Variants in PRKCA observed in about 807,000 individuals in gnomAD.
PRKCA encodes protein kinase C alpha.
In PRKCA, 27 loss-of-function variants were observed where a neutral mutation model predicts 87.0. The ratio of observed to expected loss-of-function variants is 0.31; its 90% confidence interval spans 0.23 to 0.43. The LOEUF (loss-of-function observed/expected upper bound fraction) is 0.43. Among genes scored for constraint, PRKCA ranks in the 20% least tolerant of loss-of-function variants. The probability of loss-of-function intolerance (pLI) is 1.00; values close to 1 mark genes in which losing one functional copy is unlikely to be tolerated. For synonymous variants in PRKCA, 329 were observed against 311.1 expected (o/e 1.06, Z -0.61); for missense variants, 518 against 852.3 (o/e 0.61, Z 4.88).
chr17:66,576,461 A>C (rs1969240159), intron 3 of PRKCA, among the ~76,000 whole-genome samples: 1 of 152,226 alleles, frequency 6.6e-6, no homozygotes. Context: ...ATTCTGGACC[A>C]GTCTATAATT....
At chr17:66,717,768 A>G (rs1043292694) in intron 8 of PRKCA, among the ~76,000 whole-genome samples, 2 of 152,206 alleles carry the variant, frequency 1.3e-5, no homozygotes, top group African/African-American at 4.8e-5. Flanking sequence ...CTTCATCTGC[A>G]TCCTAGGCAG....
intron 2 of PRKCA, among the ~76,000 whole-genome samples, chr17:66,456,474 G>T (rs972744096): frequency 1.3e-5 from 2 of 152,172 alleles, no homozygotes; most frequent in African/African-American, 2.4e-5. Flanking sequence ...CCCAAACCAA[G>T]GGTTTGGAAT....
chr17:66,707,829 G>A (rs1258746096), intron 8 of PRKCA, among the ~76,000 whole-genome samples: 1 of 152,126 alleles, frequency 6.6e-6, no homozygotes, highest in Admixed American at 6.5e-5. Context: ...CTAGATCAGC[G>A]GGAGTCTGAC....
chr17:66,477,908 T>A (rs938034211), intron 2 of PRKCA, among the ~76,000 whole-genome samples: 8 of 152,224 alleles, frequency 5.3e-5, no homozygotes, highest in Admixed American at 2.0e-4. Context: ...CGGATGTATT[T>A]ATTGGTGGAC....
chr17:66,372,006 T>G (rs1909140956), intron 2 of PRKCA, among the ~76,000 whole-genome samples: 1 of 152,218 alleles, frequency 6.6e-6, no homozygotes, highest in Admixed American at 6.5e-5. Context: ...TGAAAAGATT[T>G]AAAATGTGGA....
intron 2 of PRKCA, chr17:66,340,106 A>C (rs1906947976): frequency 6.6e-6 from 1 of 152,172 alleles, no homozygotes; most frequent in African/African-American, 2.4e-5. Context: ...TGTGTTAAAC[A>C]TGTCTTCATC....
chr17:66,430,218 C>T lies in PRKCA; in HGVS notation c.206-65983C>T, dbSNP rs1220520778. 3.9e-5 allele frequency among the ~76,000 whole-genome samples: 6 copies of T among 152,034 alleles called. No homozygotes were observed. In the East Asian group the frequency reaches 1.2e-3, roughly 30 times the overall value. ...ATGCGGAGAGAGAACAGTCTCCCGC[C>T]TTTCCCCATTTCAAGTCCCTGGAGC... On this transcript the variant is annotated intron_variant, in intron 2 of 16. Coordinates refer to ENST00000413366, the MANE Select transcript of PRKCA (RefSeq NM_002737.3).
chr17:66,503,411 T>C (rs1292367868), intron 3 of PRKCA, among the ~76,000 whole-genome samples: 5 of 152,174 alleles, frequency 3.3e-5, no homozygotes, highest in African/African-American at 1.2e-4. Context: ...CCAGAATGTT[T>C]GGAAGGGGAC....
chr17:66,564,069 T>C (rs903861854), intron 3 of PRKCA, among the ~76,000 whole-genome samples: 3 of 151,500 alleles, frequency 2.0e-5, no homozygotes, highest in Admixed American at 1.3e-4. Context: ...CTTCCTTTCT[T>C]CCTTCTTTCT....
chr17:66,687,674 G>A (rs1457358507), intron 6 of PRKCA, among the ~76,000 whole-genome samples: 1 of 152,192 alleles, frequency 6.6e-6, no homozygotes, highest in African/African-American at 2.4e-5. Context: ...CATAGAAAGT[G>A]TTATTGCCAC....
At chr17:66,329,262 A>G (rs1906182144) in intron 2 of PRKCA, among the ~76,000 whole-genome samples, 1 of 152,184 alleles carries the variant, frequency 6.6e-6, no homozygotes, top group South Asian at 2.1e-4. Flanking sequence ...GCCATTCACT[A>G]TTACGTAGCA....
chr17:66,377,014 G>GATTTATTTATTTATTT (rs142218103), intron 2 of PRKCA, among the ~76,000 whole-genome samples: 8 of 150,830 alleles, frequency 5.3e-5, no homozygotes, highest in African/African-American at 1.9e-4. Context: ...AAAGCCTCCG[G>GATTTATTTATTTATTT]ATTTATTTAT....
At position 66,709,971 on chromosome 17, in the gene PRKCA, A is replaced by G. The variant is rs35724084; in HGVS notation, c.918+20924A>G. 9.9e-3 allele frequency among the ~76,000 whole-genome samples: 1,500 copies of G among 152,264 alleles called. 10 individuals carry two copies. Among genetic ancestry groups the G allele is most frequent in the Non-Finnish European group, 0.014 (985 of 68,022 alleles). ...ATTACTGGGCACCTTGCTATGTGCTACCTCAAACGAGTCGATTCGCCAAAT... is the reference window on the plus strand; with the variant it reads ...ATTACTGGGCACCTTGCTATGTGCTGCCTCAAACGAGTCGATTCGCCAAAT... On this transcript the variant is annotated intron_variant, in intron 8 of 16. Transcript: ENST00000413366.
At chr17:66,410,206 GA>G (rs1252186661) in intron 2 of PRKCA, among the ~76,000 whole-genome samples, 2 of 47,224 alleles carry the variant, frequency 4.2e-5, no homozygotes, top group African/African-American at 1.0e-4. Context: ...TACCAACAGA[GA>G]TTTTTTTTTT....
At chr17:66,522,506 A>G (rs1967195194) in intron 3 of PRKCA, among the ~76,000 whole-genome samples, 2 of 152,080 alleles carry the variant, frequency 1.3e-5, no homozygotes, top group South Asian at 2.1e-4. Context: ...TGGAAATGGA[A>G]GCTCCTGTTT....
intron 2 of PRKCA, among the ~76,000 whole-genome samples, chr17:66,450,004 GAGTGTTTTTTGTT>G (rs1162932956): frequency 6.6e-6 from 1 of 151,874 alleles, no homozygotes; most frequent in Non-Finnish European, 1.5e-5. Flanking sequence ...TGGGGAGTGG[GAGTGTTTTTTGTT>G]TTTGTTTTTT....
intron 5 of PRKCA, among the ~76,000 whole-genome samples, chr17:66,680,812 G>A (rs1365876802): frequency 6.6e-6 from 1 of 152,168 alleles, no homozygotes; most frequent in Non-Finnish European, 1.5e-5. Context: ...GGTGGGAAAG[G>A]GGCACACGCT....
At position 66,738,829 on chromosome 17, in the gene PRKCA, A is replaced by T; in HGVS notation, c.1296A>T (p.Val432=). 1 of 1,613,902 alleles carries T rather than the reference A, an allele frequency of 6.2e-7. No individual in the cohort carries two copies. The highest frequency in any genetic ancestry group is 8.5e-7 in the Non-Finnish European group (1 of 1,179,844). ...GGDLMYHIQQ[V]GKFKEPQAVF... is the part of the protein sequence containing the mutation. The stretch of plus-strand genomic sequence containing the variant: ...ACCTCATGTACCACATTCAGCAAGT[A>T]GGAAAATTTAAGGAACCACAAGCAG... Residue 432 remains valine, a synonymous_variant, in exon 11 of 17, where the codon GTA becomes GTT. Coordinates refer to ENST00000413366, the MANE Select transcript of PRKCA (RefSeq NM_002737.3).
At chr17:66,712,204 G>A (rs1973348778) in intron 8 of PRKCA, among the ~76,000 whole-genome samples, 1 of 152,118 alleles carries the variant, frequency 6.6e-6, no homozygotes, top group Admixed American at 6.5e-5. Context: ...TCCAGGAGGT[G>A]GAAACAGTTC....
Sources: allele counts gnomAD v4.1 joint callset (sites outside exome capture counted in the v4.1 genomes callset), GRCh38; gene constraint gnomAD v4.1.1; transcripts MANE v1.5; gene names NCBI Gene and HGNC (gene_info 2026-07-23, HGNC 2026-07-21).